The following OCRL variants were observed in gnomAD, a reference collection of about 807,000 sequenced individuals.
OCRL encodes OCRL inositol polyphosphate-5-phosphatase, also known as inositol polyphosphate 5-phosphatase OCRL.
Under a neutral mutation model 78.9 loss-of-function variants are expected in OCRL, and 8 were observed. That is an observed-to-expected ratio of 0.10 (90% CI 0.06 to 0.18). The LOEUF (loss-of-function observed/expected upper bound fraction) is 0.18. Among genes scored for constraint, OCRL ranks in the 10% least tolerant of loss-of-function variants. The pLI is 1.00. For missense variants in OCRL, 454 were observed against 696.7 expected (o/e 0.65, Z 3.92); for synonymous variants, 240 against 235.4 (o/e 1.02, Z -0.18).
rs1433924004 is a variant in OCRL, at chrX:129,560,592, T to G, written c.765T>G (p.Asp255Glu). 8.3e-7 allele frequency: 1 copy of G among 1,205,855 alleles called. No individual in the cohort carries two copies. The highest frequency in any genetic ancestry group is 1.8e-5 in the South Asian group (1 of 56,862). ...GGAATGTGAATGGCCAGTCTCCAGATAGCGGGTTAGAACCTTGGCTGAACT... is the reference window on the plus strand; with the variant it reads ...GGAATGTGAATGGCCAGTCTCCAGAGAGCGGGTTAGAACCTTGGCTGAACT... ...GTWNVNGQSP[D>E]SGLEPWLNCD... Residue 255 changes from aspartate to glutamate, a missense_variant, in exon 9 of 24, where the codon GAT (aspartate) becomes GAG (glutamate). This residue lies in a region of OCRL where 277 missense variants were observed against 517.1 expected (regional missense o/e 0.54). Coordinates refer to ENST00000371113, the MANE Select transcript of OCRL (RefSeq NM_000276.4).
At chrX:129,575,730 T>A (rs1936360073) in intron 16 of OCRL, 167 bp from the exon 17 acceptor site, 1 of 528,671 alleles carries the variant, frequency 1.9e-6, no homozygotes, top group Non-Finnish European at 3.3e-6. Flanking sequence ...GTGAGTATAA[T>A]AATACATGCA....
chrX:129,573,126 C>T (rs1936323915), intron 15 of OCRL, among the ~76,000 whole-genome samples: 1 of 112,068 alleles, frequency 8.9e-6, no homozygotes, highest in South Asian at 3.7e-4. Flanking sequence ...GTTTGATCCT[C>T]GGTTCTCTAA....
intron 20 of OCRL, among the ~76,000 whole-genome samples, chrX:129,587,340 G>T (rs944590209): frequency 1.8e-5 from 2 of 111,246 alleles, no homozygotes; most frequent in Admixed American, 9.5e-5. Context: ...AAGTGTAGTT[G>T]TGGCAGAGCC....
At chrX:129,574,106 C>T (rs1472040964) in intron 15 of OCRL, among the ~76,000 whole-genome samples, 2 of 110,852 alleles carry the variant, frequency 1.8e-5, no homozygotes, top group Non-Finnish European at 3.8e-5. Flanking sequence ...CTTGAGGAAT[C>T]GCCACACTGT....
At position 129,558,616 on chromosome X, in the gene OCRL, G is replaced by C; in HGVS notation, c.440-17G>C. ...TAGATTTTTTCCCCGTTTGACTTTG[G>C]GGTCTGTGTCTTTCAGGGCTTCTTG... On this transcript the variant is annotated splice_polypyrimidine_tract_variant and intron_variant, in intron 6 of 23. Transcript: ENST00000371113. The C allele has an allele frequency of 8.3e-7, 1 of 1,210,735 alleles. No individual in the cohort carries two copies. The highest frequency in any genetic ancestry group is 1.1e-6 in the Non-Finnish European group (1 of 894,881).
Position 129,588,246 on chromosome X carries a change from G to A in OCRL, c.2324G>A (p.Ser775Asn), listed in dbSNP as rs1569463649. Residue 775 changes from serine (S) to asparagine (N), a missense_variant, in exon 21 of 24, where the codon AGC becomes AAC. Physicochemically the swap from Ser to Asn is conservative, Grantham distance 46 (BLOSUM62 1). Around this residue, in one of 2 missense-constraint regions of OCRL, gnomAD observed 277 missense variants for 517.1 expected, o/e 0.54. Transcript: ENST00000371113. ...LQQIIDCLDT[S>N]IPETIPGSNH... The stretch of plus-strand genomic sequence containing the variant: ...CAGATCATTGATTGTCTGGATACCA[G>A]CATTCCTGAGACAATCCGTATCCTT... 8.3e-7 allele frequency: 1 copy of A among 1,201,114 alleles called. No homozygotes were observed. The highest frequency in any genetic ancestry group is 2.2e-5 in the Admixed American group (1 of 46,037).
chrX:129,559,786 AT>A lies in OCRL; in HGVS notation c.723-758del, dbSNP rs768691019. On this transcript the variant is annotated intron_variant, in intron 8 of 23. Transcript: ENST00000371113. ...TATCTTGGGTTCTTTTATCTGTATTATTTTTTATTTCATCTTTTTTCTGGAC... is the reference window on the plus strand; with the variant it reads ...TATCTTGGGTTCTTTTATCTGTATTATTTTTATTTCATCTTTTTTCTGGAC... Among the ~76,000 whole-genome samples the A allele has an allele frequency of 6.2e-3, 682 of 110,797 alleles. 10 individuals are homozygous for A. Among genetic ancestry groups the A allele is most frequent in the African/African-American group, 0.022 (661 of 30,425 alleles).
chrX:129,562,828 A>G (rs754270279), intron 12 of OCRL, 42 bp downstream of exon 12: 2 of 1,117,868 alleles, frequency 1.8e-6, no homozygotes, highest in Admixed American at 4.4e-5. Flanking sequence ...TAGTGGCTAC[A>G]GGAGTTTGGA....
At chrX:129,566,576 C>T (rs757220360) in intron 13 of OCRL, among the ~76,000 whole-genome samples, 46 of 112,445 alleles carry the variant, frequency 4.1e-4, no homozygotes, top group African/African-American at 1.5e-3. Flanking sequence ...AAAGTGAATG[C>T]TTCTTATTGA....
At chrX:129,554,557 G>A (rs1936011551) in intron 4 of OCRL, 1 of 111,920 alleles carries the variant, frequency 8.9e-6, no homozygotes, top group Admixed American at 9.5e-5. Flanking sequence ...AAAGGATTTT[G>A]CCTGAGGGAG....
At chrX:129,550,726 T>C (rs1935948072) in intron 4 of OCRL, among the ~76,000 whole-genome samples, 1 of 111,481 alleles carries the variant, frequency 9.0e-6, no homozygotes, top group Admixed American at 9.6e-5. Context: ...TTGCTTTTCA[T>C]TTTGTTTTTT....
intron 10 of OCRL, among the ~76,000 whole-genome samples, 161 bp downstream of exon 10, chrX:129,561,454 GA>G (rs1045325252): frequency 1.8e-5 from 2 of 108,727 alleles, no homozygotes; most frequent in East Asian, 5.7e-4. Context: ...TTATTTCCTA[GA>G]AAAAAAAATC....
intron 16 of OCRL, among the ~76,000 whole-genome samples, chrX:129,575,479 G>C (rs1256268801): frequency 1.8e-5 from 2 of 111,995 alleles, no homozygotes; most frequent in Admixed American, 9.5e-5. Flanking sequence ...TAGTTGTAAG[G>C]ATTACATGAG....
intron 18 of OCRL, 118 bp downstream of exon 18, chrX:129,576,670 T>C (rs975231932): frequency 3.6e-6 from 2 of 551,886 alleles, no homozygotes; most frequent in Admixed American, 5.4e-5. Context: ...TGTCAAATGA[T>C]AAAGAAGAAT....
chrX:129,583,793 C>T (rs1936475002), intron 18 of OCRL, among the ~76,000 whole-genome samples: 1 of 111,358 alleles, frequency 9.0e-6, no homozygotes, highest in South Asian at 3.9e-4. Context: ...AAATGAAATT[C>T]ATTTATAGTT....
chrX:129,540,511 G>A, intron 1 of OCRL, 33 bp downstream of exon 1: 2 of 986,712 alleles, frequency 2.0e-6, no homozygotes, highest in Non-Finnish European at 2.8e-6. Flanking sequence ...AGGGGAGGCC[G>A]CGCAGGGCCG....
intron 19 of OCRL, 150 bp downstream of exon 19, chrX:129,584,517 TGTTTGAA>T: frequency 1.9e-6 from 1 of 521,894 alleles, no homozygotes; most frequent in Non-Finnish European, 3.4e-6. Context: ...TCCTTAAGTG[TGTTTGAA>T]GTACAGGAAA....
At position 129,558,617 on chromosome X, in the gene OCRL, G is replaced by A; in HGVS notation, c.440-16G>A. 1 of 1,210,650 alleles carries A rather than the reference G, an allele frequency of 8.3e-7. No individual in the cohort carries two copies. Among genetic ancestry groups the A allele is most frequent in the Admixed American group, 2.2e-5 (1 of 46,008 alleles). On this transcript the variant is annotated splice_polypyrimidine_tract_variant and intron_variant, in intron 6 of 23. Coordinates refer to ENST00000371113, the MANE Select transcript of OCRL (RefSeq NM_000276.4). Reference sequence around the variant, plus strand: ...AGATTTTTTCCCCGTTTGACTTTGGGGTCTGTGTCTTTCAGGGCTTCTTGG... The same window carrying A: ...AGATTTTTTCCCCGTTTGACTTTGGAGTCTGTGTCTTTCAGGGCTTCTTGG...
chrX:129,571,982 CTG>C (rs1252595639), intron 15 of OCRL, among the ~76,000 whole-genome samples: 1 of 111,660 alleles, frequency 9.0e-6, no homozygotes. Flanking sequence ...TGGAAATGTC[CTG>C]TATCTGTGCT....
Sources: allele counts gnomAD v4.1 joint callset (sites outside exome capture counted in the v4.1 genomes callset), GRCh38; gene constraint gnomAD v4.1.1; regional missense constraint gnomAD v4.1.1; transcripts MANE v1.5; gene names NCBI Gene and HGNC (gene_info 2026-07-23, HGNC 2026-07-21).